CSMD1: variants seen among roughly 807,000 people sequenced by gnomAD.
The protein encoded by CSMD1 is CUB and Sushi multiple domains 1.
Under a neutral mutation model 417.5 loss-of-function variants are expected in CSMD1, and 213 were observed. That is an observed-to-expected ratio of 0.51 (90% CI 0.46 to 0.57). CSMD1 has a LOEUF of 0.57. Among genes scored for constraint, CSMD1 ranks in the 20% least tolerant of loss-of-function variants. CSMD1 has a pLI of 0.00. For synonymous variants in CSMD1, 2,862 were observed against 1,736.8 expected (o/e 1.65, Z -16.11); for missense variants, 6,923 against 4,529.7 (o/e 1.53, Z -15.17).
chr8:3,024,520 T>G (rs1320874502), intron 51 of CSMD1, among the ~76,000 whole-genome samples: 5 of 152,186 alleles, frequency 3.3e-5, no homozygotes, highest in African/African-American at 4.8e-5. Context: ...TTGGCCAGGT[T>G]GGACTCAAAC....
intron 5 of CSMD1, among the ~76,000 whole-genome samples, chr8:3,825,172 T>A (rs1208579331): frequency 6.6e-6 from 1 of 151,960 alleles, no homozygotes; most frequent in Non-Finnish European, 1.5e-5. Context: ...AAGCTGTAGG[T>A]GAGGGTTTAG....
chr8:4,162,850 T>C (rs1797249307), intron 3 of CSMD1, among the ~76,000 whole-genome samples: 1 of 152,202 alleles, frequency 6.6e-6, no homozygotes, highest in African/African-American at 2.4e-5. Flanking sequence ...ACCATTGCAG[T>C]ATCACACTGA....
intron 54 of CSMD1, among the ~76,000 whole-genome samples, chr8:2,995,811 C>G (rs1312953837): frequency 6.6e-6 from 1 of 152,158 alleles, no homozygotes; most frequent in East Asian, 1.9e-4. Flanking sequence ...GGCTGCACAC[C>G]ACATGATTTC....
chr8:3,834,832 A>G (rs12544704), intron 5 of CSMD1, among the ~76,000 whole-genome samples: 25,767 of 151,948 alleles, frequency 0.17, 2,805 homozygotes, highest in Middle Eastern at 0.26. Flanking sequence ...ACAAAGGGCT[A>G]ATATCCAGAA....
chr8:3,120,824 C>T (rs550309372), intron 41 of CSMD1, among the ~76,000 whole-genome samples: 16 of 151,992 alleles, frequency 1.1e-4, no homozygotes, highest in South Asian at 1.0e-3. Context: ...TCCAGCCTGG[C>T]GACACAGTGA....
intron 3 of CSMD1, among the ~76,000 whole-genome samples, chr8:4,053,857 T>C (rs1204239116): frequency 6.6e-6 from 1 of 152,220 alleles, no homozygotes; most frequent in East Asian, 1.9e-4. Flanking sequence ...TTGGTTTATA[T>C]ATTGACTATA....
At chr8:4,363,005 T>G (rs932619086) in intron 3 of CSMD1, among the ~76,000 whole-genome samples, 5 of 152,198 alleles carry the variant, frequency 3.3e-5, no homozygotes, top group Non-Finnish European at 5.9e-5. Flanking sequence ...AGTCTTTGAA[T>G]AGATTTTGAA....
chr8:3,383,221 T>C (rs1241105988), intron 18 of CSMD1, among the ~76,000 whole-genome samples: 3 of 152,250 alleles, frequency 2.0e-5, no homozygotes, highest in African/African-American at 7.2e-5. Context: ...GATGTTCATA[T>C]GTATCACAAA....
At chr8:2,959,219 T>C (rs1803262295) in intron 62 of CSMD1, among the ~76,000 whole-genome samples, 1 of 152,212 alleles carries the variant, frequency 6.6e-6, no homozygotes, top group African/African-American at 2.4e-5. Flanking sequence ...AGCTCCCATC[T>C]CAGCCTTCTG....
chr8:3,579,686 C>A (rs547397776), intron 9 of CSMD1, among the ~76,000 whole-genome samples: 1 of 152,294 alleles, frequency 6.6e-6, no homozygotes, highest in African/African-American at 2.4e-5. Context: ...CAGTAGCTGT[C>A]TCATCTTAAC....
chr8:4,355,951 A>AT (rs966990588), intron 3 of CSMD1, among the ~76,000 whole-genome samples: 3 of 151,952 alleles, frequency 2.0e-5, no homozygotes, highest in East Asian at 1.9e-4. Context: ...GTAGAATTGC[A>AT]TTTTTTTATG....
Position 4,170,021 on chromosome 8 carries a change from T to A in CSMD1, c.416-137922A>T, listed in dbSNP as rs1018006966. On this transcript the variant is annotated intron_variant, in intron 3 of 69. Transcript: ENST00000635120. ...AGAGCCTAAGAGATCGTAAAATCAA[T>A]AAGAGATTAAATAATTATTTGAATA... Among the ~76,000 whole-genome samples the A allele has an allele frequency of 4.6e-5, 7 of 151,794 alleles. 1 individual carries two copies. Among genetic ancestry groups the A allele is most frequent in the African/African-American group, 1.7e-4 (7 of 41,080 alleles).
chr8:3,374,307 T>C (rs942316050), intron 18 of CSMD1, among the ~76,000 whole-genome samples: 1 of 152,108 alleles, frequency 6.6e-6, no homozygotes, highest in African/African-American at 2.4e-5. Flanking sequence ...CTTTTATCCA[T>C]TCATCTATCC....
At chr8:4,276,154 A>G (rs376858080) in intron 3 of CSMD1, among the ~76,000 whole-genome samples, 1 of 152,198 alleles carries the variant, frequency 6.6e-6, no homozygotes, top group African/African-American at 2.4e-5. Flanking sequence ...TCATTATGCT[A>G]TAAAGACACA....
intron 26 of CSMD1, among the ~76,000 whole-genome samples, chr8:3,255,883 C>A (rs1305339791): frequency 6.6e-6 from 1 of 152,214 alleles, no homozygotes; most frequent in Non-Finnish European, 1.5e-5. Flanking sequence ...CCTGCACCCA[C>A]TTTCCGACAC....
intron 1 of CSMD1, among the ~76,000 whole-genome samples, chr8:4,845,606 T>G (rs1041408660): frequency 6.6e-6 from 1 of 152,232 alleles, no homozygotes; most frequent in African/African-American, 2.4e-5. Context: ...TCCTACCATG[T>G]GCCAGGCTCT....
intron 5 of CSMD1, among the ~76,000 whole-genome samples, chr8:3,791,289 T>A (rs937627392): frequency 6.6e-6 from 1 of 152,214 alleles, no homozygotes; most frequent in South Asian, 2.1e-4. Context: ...CTCTAATTAA[T>A]GAACATAAAT....
At chr8:3,764,953 C>A (rs1300530000) in intron 5 of CSMD1, among the ~76,000 whole-genome samples, 2 of 151,892 alleles carry the variant, frequency 1.3e-5, no homozygotes, top group Non-Finnish European at 2.9e-5. Flanking sequence ...ACATGTTGAC[C>A]AGGCTGGTCT....
At chr8:4,731,209 G>C (rs1165061072) in intron 1 of CSMD1, among the ~76,000 whole-genome samples, 2 of 152,118 alleles carry the variant, frequency 1.3e-5, no homozygotes, top group Non-Finnish European at 2.9e-5. Flanking sequence ...TTGGAAGCGA[G>C]AATCAGTCCT....
Sources: allele counts gnomAD v4.1 joint callset (sites outside exome capture counted in the v4.1 genomes callset), GRCh38; gene constraint gnomAD v4.1.1; transcripts MANE v1.5; gene names NCBI Gene and HGNC (gene_info 2026-07-23, HGNC 2026-07-21).